ANKRD44: variants seen among roughly 807,000 people sequenced by gnomAD.
ANKRD44 encodes serine/threonine-protein phosphatase 6 regulatory ankyrin repeat subunit B.
In ANKRD44, 35 loss-of-function variants were observed where a neutral mutation model predicts 116.0. The observed-to-expected ratio is 0.30, with a 90% CI of 0.23 to 0.40. ANKRD44 has a LOEUF of 0.40. Among genes scored for constraint, ANKRD44 ranks in the 10% least tolerant of loss-of-function variants. The probability of loss-of-function intolerance (pLI) is 1.00; values close to 1 mark genes in which losing one functional copy is unlikely to be tolerated. For synonymous variants in ANKRD44, 435 were observed against 461.8 expected (o/e 0.94, Z 0.74); for missense variants, 1,014 against 1,242.6 (o/e 0.82, Z 2.77).
intron 2 of ANKRD44, among the ~76,000 whole-genome samples, chr2:197,165,139 T>C (rs1324829326): frequency 6.6e-6 from 1 of 152,220 alleles, no homozygotes; most frequent in Non-Finnish European, 1.5e-5. Context: ...ATTTAACCCA[T>C]GTTTTCACCC....
intron 1 of ANKRD44, among the ~76,000 whole-genome samples, chr2:197,226,556 C>T (rs1325564345): frequency 1.3e-5 from 2 of 152,028 alleles, no homozygotes; most frequent in Non-Finnish European, 2.9e-5. Flanking sequence ...CCCAGCTACT[C>T]GGGAGGCTGA....
intron 27 of ANKRD44, chr2:196,990,995 A>G: frequency 2.5e-6 from 3 of 1,190,382 alleles, no homozygotes; most frequent in Non-Finnish European, 3.2e-6. Context: ...AGCATTCCAC[A>G]GTACATCTCG....
At chr2:197,241,623 T>TA (rs1174888072) in intron 1 of ANKRD44, among the ~76,000 whole-genome samples, 2 of 151,912 alleles carry the variant, frequency 1.3e-5, no homozygotes, top group East Asian at 1.9e-4. Flanking sequence ...ATGTAAAATT[T>TA]AAAAAAAACA....
intron 2 of ANKRD44, among the ~76,000 whole-genome samples, chr2:197,176,292 G>A (rs192752800): frequency 8.9e-4 from 135 of 152,182 alleles, no homozygotes; most frequent in African/African-American, 3.1e-3. Flanking sequence ...TGAAAACTAC[G>A]GTTTTGCTGT....
At chr2:197,074,459 T>C (rs1250223444) in intron 16 of ANKRD44, among the ~76,000 whole-genome samples, 1 of 152,016 alleles carries the variant, frequency 6.6e-6, no homozygotes, top group African/African-American at 2.4e-5. Flanking sequence ...TAATGACACA[T>C]TGCCAATGTA....
chr2:197,036,367 T>G (rs1038631387), intron 16 of ANKRD44, among the ~76,000 whole-genome samples: 1 of 152,164 alleles, frequency 6.6e-6, no homozygotes, highest in Admixed American at 6.6e-5. Flanking sequence ...CAAGTGATTC[T>G]CCTGCCTCAC....
At chr2:197,126,543 T>C (rs745844940) in intron 4 of ANKRD44, among the ~76,000 whole-genome samples, 2 of 152,224 alleles carry the variant, frequency 1.3e-5, no homozygotes, top group Non-Finnish European at 2.9e-5. Context: ...ATCTTTTCCA[T>C]GTTATAATGG....
chr2:197,065,776 C>G (rs1286764432), intron 16 of ANKRD44, among the ~76,000 whole-genome samples: 1 of 150,834 alleles, frequency 6.6e-6, no homozygotes, highest in Non-Finnish European at 1.5e-5. Flanking sequence ...TGACTGAACT[C>G]TGAAATCAAG....
intron 1 of ANKRD44, among the ~76,000 whole-genome samples, chr2:197,277,468 G>A (rs1414259329): frequency 2.0e-5 from 3 of 152,098 alleles, no homozygotes; most frequent in Admixed American, 6.5e-5. Flanking sequence ...GGAAGACAGG[G>A]AGTAAGAGCC....
intron 1 of ANKRD44, among the ~76,000 whole-genome samples, chr2:197,208,874 G>C (rs7602354): frequency 0.89 from 136,246 of 152,266 alleles, 61,881 homozygotes; most frequent in East Asian, 1. Flanking sequence ...CTAATGGTAA[G>C]CTTGGAGAAG....
chr2:197,080,603 G>A (rs1224117882), intron 15 of ANKRD44, among the ~76,000 whole-genome samples: 2 of 152,152 alleles, frequency 1.3e-5, no homozygotes, highest in African/African-American at 2.4e-5. Context: ...AAATTTGGGG[G>A]TATTAAAGCA....
At chr2:197,170,989 G>A (rs530579205) in intron 2 of ANKRD44, among the ~76,000 whole-genome samples, 7 of 152,286 alleles carry the variant, frequency 4.6e-5, no homozygotes, top group African/African-American at 1.7e-4. Flanking sequence ...GAAGGCTGAG[G>A]CAGCTTAGAA....
chr2:197,297,791 G>A (rs529965159), intron 1 of ANKRD44, among the ~76,000 whole-genome samples: 79 of 152,182 alleles, frequency 5.2e-4, no homozygotes, highest in Non-Finnish European at 9.6e-4. Context: ...TTGCTACAAA[G>A]CAGAGCTACT....
intron 16 of ANKRD44, among the ~76,000 whole-genome samples, chr2:197,061,397 C>G (rs566454951): frequency 6.6e-5 from 10 of 152,200 alleles, no homozygotes; most frequent in Non-Finnish European, 1.5e-5. Context: ...AGCCCCTGCA[C>G]TGTCATGAGT....
intron 16 of ANKRD44, among the ~76,000 whole-genome samples, chr2:197,064,351 C>A (rs763132284): frequency 6.6e-5 from 10 of 152,308 alleles, no homozygotes; most frequent in Admixed American, 6.5e-4. Context: ...AAAAACATGA[C>A]AAATTGTAAA....
intron 9 of ANKRD44, 80 bp from the exon 10 acceptor site, chr2:197,100,010 T>C (rs369826459): frequency 6.3e-6 from 8 of 1,270,260 alleles, no homozygotes; most frequent in African/African-American, 4.5e-5. Flanking sequence ...GTCTCTCGTA[T>C]CAACCAAATG....
intron 1 of ANKRD44, among the ~76,000 whole-genome samples, chr2:197,248,353 C>T (rs2082238352): frequency 6.6e-6 from 1 of 152,066 alleles, no homozygotes; most frequent in African/African-American, 2.4e-5. Flanking sequence ...GGGAGTGGAA[C>T]AGCATCATCA....
intron 1 of ANKRD44, among the ~76,000 whole-genome samples, chr2:197,218,598 C>T (rs989677086): frequency 6.6e-6 from 1 of 152,056 alleles, no homozygotes; most frequent in Non-Finnish European, 1.5e-5. Flanking sequence ...TTGTACCTCC[C>T]GCATATTTCT....
Position 197,068,448 on chromosome 2 carries a change from C to A in ANKRD44, c.1650+10255G>T, listed in dbSNP as rs1432720651. On this transcript the variant is annotated intron_variant, in intron 16 of 27. Transcript: ENST00000282272. ...ACACCAAAAGCAATGGCAACAAAAG[C>A]CAAAATTGACAAATGGGATCTAATT... 5.0e-5 allele frequency among the ~76,000 whole-genome samples: 7 copies of A among 141,360 alleles called. No homozygotes were observed. In the East Asian group the frequency reaches 1.0e-3, roughly 21 times the overall value. The allele number at this position is 141,360 out of a possible 152,430, so 92.7% of individuals were successfully genotyped here.
Sources: allele counts gnomAD v4.1 joint callset (sites outside exome capture counted in the v4.1 genomes callset), GRCh38; gene constraint gnomAD v4.1.1; transcripts MANE v1.5; gene names NCBI Gene and HGNC (gene_info 2026-07-23, HGNC 2026-07-21).